Variants in TSHZ2 observed in about 807,000 individuals in gnomAD.
TSHZ2 encodes teashirt zinc finger homeobox 2.
Under a neutral mutation model 74.4 loss-of-function variants are expected in TSHZ2, and 21 were observed. The observed-to-expected ratio is 0.28, with a 90% CI of 0.20 to 0.41. The LOEUF is 0.41. TSHZ2 is among the 10% of genes least tolerant of loss of function. The probability of loss-of-function intolerance (pLI) is 1.00; values close to 1 mark genes in which losing one functional copy is unlikely to be tolerated. For synonymous variants in TSHZ2, 540 were observed against 515.3 expected, an observed-to-expected ratio of 1.05 and a Z score of -0.65; for missense variants, 1,244 against 1,293.5, an observed-to-expected ratio of 0.96 and a Z score of 0.59.
At chr20:53,079,537 A>T (rs1985465692) in intron 1 of TSHZ2, among the ~76,000 whole-genome samples, 1 of 152,192 alleles carries the variant, frequency 6.6e-6, no homozygotes, top group African/African-American at 2.4e-5. Flanking sequence ...GAAAGGAAAA[A>T]ATCAGGAATG....
At chr20:53,215,115 G>GT (rs767806125) in intron 1 of TSHZ2, among the ~76,000 whole-genome samples, 61 of 152,040 alleles carry the variant, frequency 4.0e-4, no homozygotes, top group East Asian at 1.5e-3. Flanking sequence ...GTTTGTTTGA[G>GT]TTTTTTTTAA....
intron 1 of TSHZ2, among the ~76,000 whole-genome samples, chr20:53,158,570 G>A (rs1238853037): frequency 6.6e-6 from 1 of 152,226 alleles, no homozygotes; most frequent in East Asian, 1.9e-4. Flanking sequence ...GACAGAGTAA[G>A]TGGCGTGTCC....
At chr20:53,134,581 A>G (rs16997581) in intron 1 of TSHZ2, among the ~76,000 whole-genome samples, 13,098 of 152,186 alleles carry the variant, frequency 0.086, 840 homozygotes, top group East Asian at 0.19. Flanking sequence ...CTTCCGAAGG[A>G]GATGCATCCT....
At chr20:52,993,006 T>C (rs1982049641) in intron 1 of TSHZ2, among the ~76,000 whole-genome samples, 1 of 152,158 alleles carries the variant, frequency 6.6e-6, no homozygotes, top group African/African-American at 2.4e-5. Context: ...TTCTTAGGCT[T>C]CTCTTTTTTT....
intron 1 of TSHZ2, among the ~76,000 whole-genome samples, chr20:53,150,958 T>G (rs373157815): frequency 4.7e-4 from 72 of 152,310 alleles, no homozygotes; most frequent in African/African-American, 1.6e-3. Flanking sequence ...GAGAGACAAA[T>G]TAGCTATTAG....
intron 2 of TSHZ2, among the ~76,000 whole-genome samples, chr20:53,325,157 T>C (rs1264875948): frequency 2.6e-5 from 4 of 152,352 alleles, no homozygotes; most frequent in African/African-American, 9.6e-5. Flanking sequence ...TATTTTTCTA[T>C]GTTTTTCTTG....
At chr20:53,303,728 C>T (rs981009814) in intron 2 of TSHZ2, among the ~76,000 whole-genome samples, 1 of 152,170 alleles carries the variant, frequency 6.6e-6, no homozygotes, top group Non-Finnish European at 1.5e-5. Flanking sequence ...ACAAGAGAAG[C>T]AGCCTCTCTG....
intron 2 of TSHZ2, among the ~76,000 whole-genome samples, chr20:53,452,640 T>C (rs1470656284): frequency 1.3e-5 from 2 of 150,780 alleles, no homozygotes; most frequent in Non-Finnish European, 2.9e-5. Flanking sequence ...TCAATCACTG[T>C]ATCTCTCTGA....
chr20:53,349,770 G>T (rs888104857), intron 2 of TSHZ2, among the ~76,000 whole-genome samples: 7 of 152,098 alleles, frequency 4.6e-5, no homozygotes, highest in African/African-American at 1.4e-4. Context: ...ATCTTCAGTG[G>T]TATATTCATT....
At chr20:53,246,994 A>G (rs1055401705) in intron 1 of TSHZ2, among the ~76,000 whole-genome samples, 1 of 151,364 alleles carries the variant, frequency 6.6e-6, no homozygotes, top group Non-Finnish European at 1.5e-5. Flanking sequence ...ACCACCAGAA[A>G]CCTCCCCATT....
At chr20:53,105,790 G>A (rs1986346103) in intron 1 of TSHZ2, among the ~76,000 whole-genome samples, 1 of 151,994 alleles carries the variant, frequency 6.6e-6, no homozygotes, top group African/African-American at 2.4e-5. Flanking sequence ...GGGACTGCAG[G>A]CACACCCCAC....
intron 2 of TSHZ2, among the ~76,000 whole-genome samples, chr20:53,317,870 G>A (rs778732857): frequency 1.3e-5 from 2 of 152,200 alleles, no homozygotes; most frequent in Non-Finnish European, 2.9e-5. Flanking sequence ...GTTCTGCAGG[G>A]TGGAGTCCCT....
intron 1 of TSHZ2, among the ~76,000 whole-genome samples, chr20:53,029,267 A>G (rs948176394): frequency 6.6e-5 from 10 of 152,244 alleles, no homozygotes; most frequent in African/African-American, 2.4e-4. Flanking sequence ...ACAAGGTATT[A>G]TTGACTCATT....
chr20:53,061,713 C>T (rs148199829), intron 1 of TSHZ2, among the ~76,000 whole-genome samples: 2 of 152,248 alleles, frequency 1.3e-5, no homozygotes, highest in African/African-American at 4.8e-5. Flanking sequence ...AGAAAGACTC[C>T]AGGCTTCTTA....
chr20:52,997,850 T>TA (rs1982263478), intron 1 of TSHZ2, among the ~76,000 whole-genome samples: 1 of 152,128 alleles, frequency 6.6e-6, no homozygotes, highest in Admixed American at 6.5e-5. Flanking sequence ...AAAATCTCTT[T>TA]GCCTAAACTC....
chr20:53,022,617 C>T (rs368781117), intron 1 of TSHZ2, among the ~76,000 whole-genome samples: 5 of 152,134 alleles, frequency 3.3e-5, no homozygotes, highest in Non-Finnish European at 7.3e-5. Context: ...CCTAAGAATG[C>T]TTATAATGTA....
At chr20:53,114,696 A>G (rs1353638021) in intron 1 of TSHZ2, among the ~76,000 whole-genome samples, 1 of 152,174 alleles carries the variant, frequency 6.6e-6, no homozygotes, top group Non-Finnish European at 1.5e-5. Flanking sequence ...AGACAGAGGC[A>G]GTCTCTAGAG....
intron 1 of TSHZ2, among the ~76,000 whole-genome samples, chr20:53,124,621 T>C (rs1187201205): frequency 6.6e-6 from 1 of 152,238 alleles, no homozygotes; most frequent in African/African-American, 2.4e-5. Context: ...ACTCAAGTTA[T>C]AACAATAGTC....
intron 2 of TSHZ2, among the ~76,000 whole-genome samples, chr20:53,430,481 T>C (rs181651895): frequency 1.3e-5 from 2 of 152,116 alleles, no homozygotes; most frequent in East Asian, 1.9e-4. Context: ...ATACAGGTGA[T>C]AGTGCTGTGG....
Sources: allele counts gnomAD v4.1 joint callset (sites outside exome capture counted in the v4.1 genomes callset), GRCh38; gene constraint gnomAD v4.1.1; transcripts MANE v1.5; gene names NCBI Gene and HGNC (gene_info 2026-07-23, HGNC 2026-07-21).